PRKDC: variants seen among roughly 807,000 people sequenced by gnomAD.
PRKDC encodes the protein protein kinase, DNA-activated, catalytic subunit, also known as DNA-dependent protein kinase catalytic subunit.
PRKDC carries 82 observed loss-of-function variants against 486.9 expected under a neutral mutation model. The observed-to-expected ratio is 0.17, with a 90% CI of 0.14 to 0.20. The LOEUF (loss-of-function observed/expected upper bound fraction) is 0.20. Among genes scored for constraint, PRKDC ranks in the 10% least tolerant of loss-of-function variants. The probability of loss-of-function intolerance (pLI) is 1.00; values close to 1 mark genes in which losing one functional copy is unlikely to be tolerated. For synonymous variants in PRKDC, 1,895 were observed against 1,837.0 expected, an observed-to-expected ratio of 1.03 and a Z score of -0.81; for missense variants, 4,504 against 5,038.2, an observed-to-expected ratio of 0.89 and a Z score of 3.21.
chr8:47,899,746 G>A (rs1312016451), intron 28 of PRKDC, among the ~76,000 whole-genome samples: 2 of 152,182 alleles, frequency 1.3e-5, no homozygotes, highest in African/African-American at 4.8e-5. Flanking sequence ...CTGAGCCTCT[G>A]TGCCCCAACT....
Position 47,888,583 on chromosome 8 carries a change from C to T in PRKDC, c.4348G>A (p.Ala1450Thr). Residue 1450 changes from alanine (A) to threonine (T), a missense_variant, in exon 34 of 86, where the codon GCT (alanine) becomes ACT (threonine). By Grantham distance (58) the Ala-to-Thr change is moderately conservative. Coordinates refer to ENST00000314191, the MANE Select transcript of PRKDC (RefSeq NM_006904.7). ...AGCTGTTTACAGGCAGACACAACAG[C>T]AGCCAGCCTGCTCCTGTCCACTTGC... ...DAQVDRSRLAAVVSACKQLHR... is the reference protein window; with the variant it reads ...DAQVDRSRLATVVSACKQLHR... The T allele has an allele frequency of 6.3e-7, 1 of 1,589,176 alleles. No homozygotes were observed. The highest frequency in any genetic ancestry group is 8.6e-7 in the Non-Finnish European group (1 of 1,167,216).
intron 40 of PRKDC, among the ~76,000 whole-genome samples, chr8:47,868,917 T>C (rs2088880098): frequency 1.3e-5 from 2 of 152,272 alleles, no homozygotes; most frequent in South Asian, 2.1e-4. Context: ...AGCGATGTCC[T>C]GTCACAGCAG....
chr8:47,862,300 G>T lies in PRKDC; in HGVS notation c.5919+73C>A. On this transcript the variant is annotated intron_variant, in intron 43 of 85. Transcript: ENST00000314191. Reference sequence around the variant, plus strand: ...TAATATAAGATGGTATAAATTATCTGTAAGTTTGACTGATATAATCTAACT... The same window carrying T: ...TAATATAAGATGGTATAAATTATCTTTAAGTTTGACTGATATAATCTAACT... The T allele has an allele frequency of 2.7e-6, 4 of 1,468,408 alleles. 1 individual carries two copies. The highest frequency in any genetic ancestry group is 3.7e-6 in the Non-Finnish European group (4 of 1,071,000). 91.0% of individuals were successfully genotyped at this position (1,468,408 alleles called of 1,614,324 possible). A position where few individuals can be genotyped will look rare whatever the true frequency, so the allele number is the denominator to read the frequency against.
intron 4 of PRKDC, among the ~76,000 whole-genome samples, chr8:47,955,090 G>A (rs2154504627): frequency 6.6e-6 from 1 of 152,040 alleles, no homozygotes; most frequent in South Asian, 2.1e-4. Flanking sequence ...GGAGACAGAA[G>A]TTGCAGTGAG....
chr8:47,922,319 G>A (rs905864093), intron 21 of PRKDC, among the ~76,000 whole-genome samples: 2 of 151,836 alleles, frequency 1.3e-5, no homozygotes, highest in African/African-American at 2.4e-5. Context: ...TTTTTGTAAC[G>A]AAATTAGCCA....
intron 38 of PRKDC, 75 bp downstream of exon 38, chr8:47,881,341 T>TA: frequency 1.1e-6 from 1 of 938,310 alleles, no homozygotes; most frequent in South Asian, 1.6e-5. Flanking sequence ...TAATAAAAAA[T>TA]AAAAAACATC....
At position 47,879,621 on chromosome 8, in the gene PRKDC, A is replaced by G; in HGVS notation, c.5105T>C (p.Leu1702Pro). 1 of 1,588,556 alleles carries G rather than the reference A, an allele frequency of 6.3e-7. No individual in the cohort carries two copies. Among genetic ancestry groups the G allele is most frequent in the South Asian group, 1.2e-5 (1 of 84,976 alleles). ...AVTLLPFFTS[L>P]TGGSLEELRR... ...AAGTTCCTCCAGACTGCCTCCAGTG[A>G]GGCTGGTGAAGAATGGAAGAAGAGT... Residue 1702 changes from leucine (L) to proline (P), a missense_variant, in exon 39 of 86, where the codon CTC (leucine) becomes CCC (proline). Leu to Pro is a moderately conservative substitution (Grantham distance 98). Around this residue, in one of 6 missense-constraint regions of PRKDC, gnomAD observed 1,969 missense variants for 2,068.9 expected, o/e 0.95. Transcript: ENST00000314191.
chr8:47,899,844 T>A (rs2089648018), intron 28 of PRKDC, among the ~76,000 whole-genome samples: 1 of 152,226 alleles, frequency 6.6e-6, no homozygotes, highest in African/African-American at 2.4e-5. Flanking sequence ...GCATAGAATT[T>A]AATTGTAATC....
At chr8:47,929,221 G>A in intron 18 of PRKDC, 43 bp from the exon 19 acceptor site, 1 of 1,350,636 alleles carries the variant, frequency 7.4e-7, no homozygotes. Flanking sequence ...ACAAGAATCG[G>A]GAGACTGTAT....
chr8:47,800,709 CTTA>C (rs2087088519), intron 71 of PRKDC, 81 bp downstream of exon 71: 2 of 1,234,258 alleles, frequency 1.6e-6, no homozygotes, highest in Non-Finnish European at 2.2e-6. Context: ...AAGCAACATC[CTTA>C]TTATTACTTT....
chr8:47,805,844 C>T (rs568835877), intron 69 of PRKDC, among the ~76,000 whole-genome samples: 1 of 152,270 alleles, frequency 6.6e-6, no homozygotes, highest in East Asian at 1.9e-4. Context: ...TCCTGGATCT[C>T]CTTACAGAGC....
intron 14 of PRKDC, among the ~76,000 whole-genome samples, chr8:47,934,408 G>A (rs184014056): frequency 7.0e-4 from 106 of 152,216 alleles, no homozygotes; most frequent in Middle Eastern, 3.4e-3. Context: ...GGTGGCGGTC[G>A]CCTGTAATAC....
Position 47,837,279 on chromosome 8 carries a change from A to C in PRKDC, c.7694T>G (p.Met2565Arg), listed in dbSNP as rs377580880. ...LSLATNFLLE[M>R]TSMSPDYPNP... Reference sequence around the variant, plus strand: ...TGGATAATCTGGGCTCATGCTGGTCATTTCGAGCAGAAAATTTGTTGCTAA... The same window carrying C: ...TGGATAATCTGGGCTCATGCTGGTCCTTTCGAGCAGAAAATTTGTTGCTAA... The change falls in exon 57 of 86, where the codon ATG becomes AGG. Residue 2565 changes from methionine (M) to arginine (R), a missense_variant. Coordinates refer to ENST00000314191, the MANE Select transcript of PRKDC (RefSeq NM_006904.7). The C allele has an allele frequency of 1.2e-6, 2 of 1,613,970 alleles. No individual in the cohort carries two copies. The highest frequency in any genetic ancestry group is 1.7e-6 in the Non-Finnish European group (2 of 1,179,872).
chr8:47,779,912 C>A (rs1384928770), intron 80 of PRKDC, among the ~76,000 whole-genome samples: 4 of 107,056 alleles, frequency 3.7e-5, no homozygotes, highest in Admixed American at 1.0e-4. Context: ...TTTGTTTTGT[C>A]TTTTTTTTTT....
At chr8:47,791,252 A>G (rs1176518922) in intron 74 of PRKDC, among the ~76,000 whole-genome samples, 4 of 152,162 alleles carry the variant, frequency 2.6e-5, no homozygotes, top group Non-Finnish European at 5.9e-5. Flanking sequence ...CAAGGTGGGC[A>G]GATCACGAGG....
chr8:47,843,061 A>C (rs1385274954), intron 54 of PRKDC, among the ~76,000 whole-genome samples: 1 of 152,168 alleles, frequency 6.6e-6, no homozygotes, highest in Non-Finnish European at 1.5e-5. Flanking sequence ...GCTCCTCAGG[A>C]GACTGAGATG....
rs1321934269 is a variant in PRKDC, at chr8:47,774,111, A to G, written c.*62T>C. On this transcript the variant is annotated 3_prime_UTR_variant, in exon 86 of 86. Transcript: ENST00000314191. ...AAAATCAGCTCATGGAATGCTGCCAACCAAAGTATAGTAGATTCTTTAAAC... is the reference window on the plus strand; with the variant it reads ...AAAATCAGCTCATGGAATGCTGCCAGCCAAAGTATAGTAGATTCTTTAAAC... 2 of 1,465,222 alleles carry G rather than the reference A, an allele frequency of 1.4e-6. No homozygotes were observed. The highest frequency in any genetic ancestry group is 2.2e-4 in the Middle Eastern group (1 of 4,566). 90.8% of individuals were successfully genotyped at this position (1,465,222 alleles called of 1,614,324 possible). A position where few individuals can be genotyped will look rare whatever the true frequency, so the allele number is the denominator to read the frequency against.
Position 47,888,547 on chromosome 8 carries a change from C to G in PRKDC, c.4384G>C (p.Gly1462Arg), listed in dbSNP as rs1225841387. The G allele has an allele frequency of 3.2e-6, 5 of 1,576,760 alleles. No homozygotes were observed. The highest frequency in any genetic ancestry group is 4.3e-6 in the Non-Finnish European group (5 of 1,160,494). Residue 1462 changes from glycine (G) to arginine (R), a missense_variant, in exon 34 of 86, where the codon GGG becomes CGG. Physicochemically the swap from Gly to Arg is moderately radical, Grantham distance 125. Coordinates refer to ENST00000314191, the MANE Select transcript of PRKDC (RefSeq NM_006904.7). ...VSACKQLHRA[G>R]LLHNILPSQS... ...GACGGTAATATATTATGCAGAAGCC[C>G]AGCTCTGTGAAGCTGTTTACAGGCA...
At chr8:47,915,451 A>G in intron 22 of PRKDC, 33 bp from the exon 23 acceptor site, 3 of 1,236,256 alleles carry the variant, frequency 2.4e-6, no homozygotes, top group Non-Finnish European at 3.4e-6. Flanking sequence ...ATATGTGATT[A>G]CAAATGGGTT....
Sources: allele counts gnomAD v4.1 joint callset (sites outside exome capture counted in the v4.1 genomes callset), GRCh38; gene constraint gnomAD v4.1.1; regional missense constraint gnomAD v4.1.1; transcripts MANE v1.5; gene names NCBI Gene and HGNC (gene_info 2026-07-23, HGNC 2026-07-21).